HEATR5B: variants seen among roughly 807,000 people sequenced by gnomAD.
The protein encoded by HEATR5B is HEAT repeat-containing protein 5B.
In HEATR5B, 156 loss-of-function variants were observed where a neutral mutation model predicts 224.1. The ratio of observed to expected loss-of-function variants is 0.70; its 90% CI spans 0.61 to 0.80. The LOEUF (loss-of-function observed/expected upper bound fraction) is 0.80. Ranked by LOEUF, HEATR5B falls within the 30% of genes least tolerant of loss-of-function variation. The pLI is 0.00. For missense variants in HEATR5B, 2,323 were observed against 2,535.5 expected, an observed-to-expected ratio of 0.92 and a Z score of 1.80; for synonymous variants, 1,027 against 893.0, an observed-to-expected ratio of 1.15 and a Z score of -2.68.
chr2:37,083,162 G>A lies in HEATR5B; in HGVS notation c.126+127C>T, dbSNP rs947130129. On this transcript the variant is annotated intron_variant, in intron 2 of 35. Transcript: ENST00000233099. ...AGTTTTGCCACTAAATTTCCCATTCGTGTAATACTCTCAAGTTCCATAAGT... is the reference window on the plus strand; with the variant it reads ...AGTTTTGCCACTAAATTTCCCATTCATGTAATACTCTCAAGTTCCATAAGT... 4 of 1,019,368 alleles carry A rather than the reference G, an allele frequency of 3.9e-6. No individual in the cohort carries two copies. In the African/African-American group the frequency reaches 4.8e-5, roughly 12 times the overall value. 63.1% of individuals were successfully genotyped at this position (1,019,368 alleles called of 1,614,324 possible). A position where few individuals can be genotyped will look rare whatever the true frequency, so the allele number is the denominator to read the frequency against.
intron 26 of HEATR5B, among the ~76,000 whole-genome samples, chr2:37,015,856 A>G (rs1165029959): frequency 6.6e-6 from 1 of 152,216 alleles, no homozygotes; most frequent in African/African-American, 2.4e-5. Context: ...GGTGATAACT[A>G]AAGTATTGTT....
chr2:37,050,608 G>C (rs1249607247), intron 17 of HEATR5B, among the ~76,000 whole-genome samples: 1 of 152,076 alleles, frequency 6.6e-6, no homozygotes, highest in African/African-American at 2.4e-5. Context: ...AATAATTTCA[G>C]AATCAATGGC....
At chr2:37,037,246 A>C (rs1309111545) in intron 21 of HEATR5B, among the ~76,000 whole-genome samples, 2 of 149,518 alleles carry the variant, frequency 1.3e-5, no homozygotes, top group South Asian at 2.1e-4. Context: ...CCTGGGTTCA[A>C]GCGATTCTCC....
intron 33 of HEATR5B, among the ~76,000 whole-genome samples, chr2:36,995,435 G>A (rs1465025007): frequency 1.3e-5 from 2 of 151,974 alleles, no homozygotes; most frequent in African/African-American, 4.8e-5. Flanking sequence ...GGCTTTTAAT[G>A]TTTCTTCAGT....
intron 27 of HEATR5B, among the ~76,000 whole-genome samples, chr2:37,009,719 G>C (rs537881310): frequency 6.6e-6 from 1 of 151,402 alleles, no homozygotes; most frequent in East Asian, 1.9e-4. Flanking sequence ...TCCTTGAGTA[G>C]CCTTCTCAGA....
intron 18 of HEATR5B, among the ~76,000 whole-genome samples, chr2:37,047,177 C>CAAAA (rs531378377): frequency 7.3e-6 from 1 of 136,684 alleles, no homozygotes. Context: ...GATCCCATCT[C>CAAAA]AAAAAAAAAA....
chr2:37,044,816 ACT>A (rs938063417), intron 18 of HEATR5B, among the ~76,000 whole-genome samples: 3 of 151,960 alleles, frequency 2.0e-5, no homozygotes, highest in Admixed American at 6.6e-5. Flanking sequence ...AGTCACTGAG[ACT>A]CTGTTCATTT....
chr2:36,989,875 A>AT lies in HEATR5B; in HGVS notation c.5697+772_5697+773insA. On this transcript the variant is annotated intron_variant, in intron 34 of 35. Transcript: ENST00000233099. ...TCTGGAGACTCAGATTCAGGAAGAC[A>AT]GTACTGGAATCCAAGAATGTTTCCT... 2.0e-5 allele frequency among the ~76,000 whole-genome samples: 3 copies of AT among 150,064 alleles called. No individual in the cohort carries two copies. In the South Asian group the frequency reaches 6.3e-4, roughly 32 times the overall value.
chr2:37,060,456 TA>T, intron 12 of HEATR5B, 124 bp downstream of exon 12: 2 of 773,776 alleles, frequency 2.6e-6, no homozygotes, highest in Non-Finnish European at 3.8e-6. Flanking sequence ...TATTTAAATC[TA>T]AAAGCCTATG....
rs1389626772 is a variant in HEATR5B at position 36,998,651 on chromosome 2, A to G, written c.5545+1935T>C. 2.6e-5 allele frequency among the ~76,000 whole-genome samples: 4 copies of G among 152,324 alleles called. No homozygotes were observed. The East Asian group carries it at 7.7e-4, about 29-fold the overall frequency. On this transcript the variant is annotated intron_variant, in intron 33 of 35. Coordinates refer to ENST00000233099, the MANE Select transcript of HEATR5B (RefSeq NM_019024.3). ...ACAACAAAAATATCATTGACAGGGAAATGAATAATAATTGATAAAAACATA... is the reference window on the plus strand; with the variant it reads ...ACAACAAAAATATCATTGACAGGGAGATGAATAATAATTGATAAAAACATA...
rs1180397009 is a variant in HEATR5B, at chr2:37,007,271, G to C, written c.4556C>G (p.Thr1519Arg). ...GGAATTCCGATAGTGAAGTCTAGCT[G>C]TATCAATAGTTTCAGGGGTATAAAA... ...GAFYTPETID[T>R]ARLHYRNSWA... The change falls in exon 29 of 36, where the codon ACA becomes AGA. Residue 1519 changes from threonine (T) to arginine (R), a missense_variant. Thr to Arg is a moderately conservative substitution (Grantham distance 71, BLOSUM62 -1). This residue lies in a region of HEATR5B where 844 missense variants were observed against 812.9 expected (regional missense o/e 1.04). Coordinates refer to ENST00000233099, the MANE Select transcript of HEATR5B (RefSeq NM_019024.3). The C allele has an allele frequency of 1.1e-5, 18 of 1,604,150 alleles. No individual in the cohort carries two copies. Among genetic ancestry groups the C allele is most frequent in the Non-Finnish European group, 1.5e-5 (18 of 1,174,176 alleles).
At position 37,038,920 on chromosome 2, in the gene HEATR5B, G is replaced by GGGGGGGGGGA. The variant is rs58707175; in HGVS notation, c.3047-897_3047-896insTCCCCCCCCC. 5.6e-5 allele frequency among the ~76,000 whole-genome samples: 7 copies of GGGGGGGGGGA among 124,566 alleles called. 1 individual carries two copies. The highest frequency in any genetic ancestry group is 8.5e-5 in the Non-Finnish European group (5 of 58,528). The allele number at this position is 124,566 out of a possible 152,430, so 81.7% of individuals were successfully genotyped here. A position where few individuals can be genotyped will look rare whatever the true frequency, so the allele number is the denominator to read the frequency against. On this transcript the variant is annotated intron_variant, in intron 20 of 35. Transcript: ENST00000233099. ...GTCTCCCTGGGGTGGGGGGGGTGGG[G>GGGGGGGGGGA]AATCACATATTTTTCAATTTCTAGC...
intron 14 of HEATR5B, 143 bp downstream of exon 14, chr2:37,058,308 T>A: frequency 1.7e-6 from 1 of 586,998 alleles, no homozygotes; most frequent in African/African-American, 1.9e-5. Context: ...TCAACAAGTA[T>A]CAGCTACTCT....
chr2:37,042,482 A>T (rs763514982), intron 18 of HEATR5B, among the ~76,000 whole-genome samples: 6 of 152,228 alleles, frequency 3.9e-5, no homozygotes, highest in Non-Finnish European at 7.3e-5. Flanking sequence ...CAAATATCAA[A>T]TTTATGGTGA....
chr2:37,037,875 T>G lies in HEATR5B; in HGVS notation c.3196A>C (p.Ser1066Arg). 1 of 1,588,086 alleles carries G rather than the reference T, an allele frequency of 6.3e-7. No individual in the cohort carries two copies. Among genetic ancestry groups the G allele is most frequent in the Non-Finnish European group, 8.6e-7 (1 of 1,164,984 alleles). ...CTTACACAAAGGCTAGGAACAAGGC[T>G]AGATAGATTGACATGTCGTGGTGCA... ...MFAPRHVNLS[S>R]LVPSLCVHLC... Residue 1066 changes from serine (S) to arginine (R), a missense_variant, in exon 21 of 36, where the codon AGC becomes CGC. Ser to Arg is a moderately radical substitution (Grantham distance 110). Coordinates refer to ENST00000233099, the MANE Select transcript of HEATR5B (RefSeq NM_019024.3).
At chr2:37,057,227 C>T in intron 15 of HEATR5B, 90 bp downstream of exon 15, 4 of 974,656 alleles carry the variant, frequency 4.1e-6, no homozygotes, top group Non-Finnish European at 5.9e-6. Flanking sequence ...TTAAACCTTT[C>T]TATACACTAT....
intron 16 of HEATR5B, 83 bp downstream of exon 16, chr2:37,056,355 CAG>C (rs1670912425): frequency 1.2e-6 from 1 of 865,594 alleles, no homozygotes; most frequent in East Asian, 2.8e-5. Context: ...CACTTTATTG[CAG>C]AGTTAACTGG....
chr2:37,003,815 C>T lies in HEATR5B; in HGVS notation c.4906-129G>A, dbSNP rs886705079. ...TAGCTAAAATTAAAATATAGGACTA[C>T]GTAACAAATAAGAACATTGTAAAAA... On this transcript the variant is annotated intron_variant, in intron 30 of 35. Coordinates refer to ENST00000233099, the MANE Select transcript of HEATR5B (RefSeq NM_019024.3). The T allele has an allele frequency of 4.7e-5, 25 of 528,978 alleles. 1 individual carries two copies. The highest frequency in any genetic ancestry group is 1.6e-4 in the East Asian group (5 of 30,590). 32.8% of individuals were successfully genotyped at this position (528,978 alleles called of 1,614,324 possible).
rs201447009 is a variant in HEATR5B, at chr2:37,002,397, G to A, written c.5226C>T (p.Ala1742=). 9 of 1,614,194 alleles carry A rather than the reference G, an allele frequency of 5.6e-6. No homozygotes were observed. The highest frequency in any genetic ancestry group is 7.6e-6 in the Non-Finnish European group (9 of 1,180,026). ...TKVSDSPSHI[A]TKTRLSEESA... is the part of the protein sequence containing the mutation. ...TTTCTTCTGATAGTCGAGTTTTAGT[G>A]GCTATGTGACTTGGAGAGTCTGACA... is the stretch of plus-strand genomic sequence containing the variant. Residue 1742 remains alanine, a synonymous_variant, in exon 32 of 36, where the codon GCC becomes GCT. Coordinates refer to ENST00000233099, the MANE Select transcript of HEATR5B (RefSeq NM_019024.3).
Sources: allele counts gnomAD v4.1 joint callset (sites outside exome capture counted in the v4.1 genomes callset), GRCh38; gene constraint gnomAD v4.1.1; regional missense constraint gnomAD v4.1.1; transcripts MANE v1.5; gene names NCBI Gene and HGNC (gene_info 2026-07-23, HGNC 2026-07-21).